The following PDE4D variants were observed in gnomAD, a reference collection of about 807,000 sequenced individuals.
PDE4D encodes 3',5'-cyclic-AMP phosphodiesterase 4D.
In PDE4D, 24 loss-of-function variants were observed where a neutral mutation model predicts 87.4. The ratio of observed to expected loss-of-function variants is 0.27; its 90% CI spans 0.20 to 0.39. PDE4D has a LOEUF of 0.39. Ranked by LOEUF, PDE4D falls within the 10% of genes least tolerant of loss-of-function variation. The pLI is 1.00. For synonymous variants in PDE4D, 384 were observed against 383.2 expected, an observed-to-expected ratio of 1.00 and a Z score of -0.02; for missense variants, 714 against 1,041.0, an observed-to-expected ratio of 0.69 and a Z score of 4.32.
intron 1 of PDE4D, among the ~76,000 whole-genome samples, chr5:59,228,792 C>T (rs911919843): frequency 1.3e-5 from 2 of 152,126 alleles, no homozygotes; most frequent in African/African-American, 4.8e-5. Flanking sequence ...TCATCTTTAC[C>T]TACATCTCTC....
chr5:60,518,148 C>T (rs1389416255), intron 1 of PDE4D, among the ~76,000 whole-genome samples: 1 of 152,208 alleles, frequency 6.6e-6, no homozygotes, highest in Non-Finnish European at 1.5e-5. Flanking sequence ...GCCTGCCCTG[C>T]TTCAGCTGGC....
chr5:59,431,042 A>G (rs1040092320), intron 1 of PDE4D, among the ~76,000 whole-genome samples: 4 of 152,114 alleles, frequency 2.6e-5, no homozygotes, highest in Admixed American at 2.6e-4. Context: ...TTAGCCTCTC[A>G]GGAACATAAA....
At chr5:60,205,577 C>G (rs1742408553) in intron 1 of PDE4D, among the ~76,000 whole-genome samples, 1 of 152,054 alleles carries the variant, frequency 6.6e-6, no homozygotes. Context: ...TCAGAACACT[C>G]CAAAAACTTT....
At chr5:60,009,247 T>G (rs1055295330) in intron 2 of PDE4D, among the ~76,000 whole-genome samples, 3 of 152,076 alleles carry the variant, frequency 2.0e-5, no homozygotes, top group African/African-American at 7.2e-5. Flanking sequence ...ATGGGAAAAG[T>G]AAGTTATTTA....
chr5:59,575,603 A>G (rs1288717311), intron 1 of PDE4D, among the ~76,000 whole-genome samples: 2 of 152,208 alleles, frequency 1.3e-5, no homozygotes, highest in South Asian at 2.1e-4. Flanking sequence ...TTTATGCTCA[A>G]GATGACAATT....
At chr5:59,616,113 T>C (rs1829632525) in intron 1 of PDE4D, among the ~76,000 whole-genome samples, 1 of 151,604 alleles carries the variant, frequency 6.6e-6, no homozygotes, top group Admixed American at 6.6e-5. Flanking sequence ...ATGCTATCCC[T>C]CCCCCCTTCC....
At chr5:59,911,925 A>AT (rs1311220081) in intron 3 of PDE4D, among the ~76,000 whole-genome samples, 2 of 152,158 alleles carry the variant, frequency 1.3e-5, no homozygotes, top group Non-Finnish European at 2.9e-5. Flanking sequence ...TGGATAATTT[A>AT]TTTTTTGTAT....
chr5:59,105,495 T>C (rs1580818332), intron 5 of PDE4D, among the ~76,000 whole-genome samples: 1 of 152,206 alleles, frequency 6.6e-6, no homozygotes, highest in East Asian at 1.9e-4. Context: ...GTAGCATTAT[T>C]TGATAATCAG....
At chr5:59,215,603 A>G (rs988401285) in intron 2 of PDE4D, 174 bp downstream of exon 2, 3 of 579,088 alleles carry the variant, frequency 5.2e-6, no homozygotes, top group Non-Finnish European at 9.3e-6. Context: ...CAAGAGTGAC[A>G]GTGCACTCAG....
chr5:59,081,374 T>G (rs896226037), intron 5 of PDE4D, among the ~76,000 whole-genome samples: 1 of 152,100 alleles, frequency 6.6e-6, no homozygotes, highest in Non-Finnish European at 1.5e-5. Flanking sequence ...TGTTCAGTTA[T>G]GCTTTCTATA....
intron 1 of PDE4D, among the ~76,000 whole-genome samples, chr5:59,837,601 G>C (rs1742331724): frequency 6.6e-6 from 1 of 152,026 alleles, no homozygotes; most frequent in Non-Finnish European, 1.5e-5. Context: ...GCAACTAGCA[G>C]GATGTTAAGC....
intron 1 of PDE4D, among the ~76,000 whole-genome samples, chr5:59,654,254 G>A (rs1378928300): frequency 6.6e-6 from 1 of 152,158 alleles, no homozygotes; most frequent in Non-Finnish European, 1.5e-5. Context: ...GGGAGGGGAG[G>A]AAGGGAGAGG....
At chr5:59,233,626 A>T (rs909177621) in intron 1 of PDE4D, among the ~76,000 whole-genome samples, 1 of 152,146 alleles carries the variant, frequency 6.6e-6, no homozygotes. Flanking sequence ...CTCTAGAAGA[A>T]GGAAAGGATA....
chr5:60,022,753 A>G (rs1028049703), intron 2 of PDE4D: 6 of 152,198 alleles, frequency 3.9e-5, no homozygotes, highest in Admixed American at 6.5e-5. Flanking sequence ...TTGACTCCCT[A>G]TCACAGACTC....
At chr5:59,217,142 A>G (rs1751436609) in intron 1 of PDE4D, 2 of 450,116 alleles carry the variant, frequency 4.4e-6, no homozygotes, top group Non-Finnish European at 8.9e-6. Flanking sequence ...CTTTCCACAA[A>G]GAACCTTTCT....
intron 1 of PDE4D, among the ~76,000 whole-genome samples, chr5:59,378,069 G>A (rs1479481269): frequency 6.6e-6 from 1 of 152,092 alleles, no homozygotes; most frequent in East Asian, 1.9e-4. Context: ...AAAAAATGTG[G>A]TGCATACACA....
chr5:59,598,561 T>C (rs1040267693), intron 1 of PDE4D, among the ~76,000 whole-genome samples: 1 of 152,124 alleles, frequency 6.6e-6, no homozygotes, highest in African/African-American at 2.4e-5. Context: ...GCACAGTCCA[T>C]TTGAGATGAG....
chr5:60,404,971 T>C (rs1454191573), intron 1 of PDE4D, among the ~76,000 whole-genome samples: 1 of 151,958 alleles, frequency 6.6e-6, no homozygotes, highest in Non-Finnish European at 1.5e-5. Flanking sequence ...GAAACTAGAG[T>C]TCAAAGATGC....
chr5:59,021,798 TC>T (rs1205207359), intron 6 of PDE4D, among the ~76,000 whole-genome samples: 8 of 152,182 alleles, frequency 5.3e-5, no homozygotes, highest in Admixed American at 4.6e-4. Context: ...TTTTTCATCT[TC>T]TATTCCATTT....
Sources: gnomAD v4.1 joint callset for allele counts (sites outside exome capture counted in the v4.1 genomes callset) on GRCh38, gnomAD v4.1.1 for gene constraint, MANE v1.5 for transcripts, NCBI Gene and HGNC (gene_info 2026-07-23, HGNC 2026-07-21) for gene names.